Variants in ODAD2 observed in about 807,000 individuals in gnomAD.
The protein encoded by ODAD2 is outer dynein arm-docking complex subunit 2.
In ODAD2, 89 loss-of-function variants were observed where a neutral mutation model predicts 106.8. The observed-to-expected ratio is 0.83, with a 90% CI of 0.70 to 0.99. The LOEUF (loss-of-function observed/expected upper bound fraction) is 0.99. Ranked by LOEUF, ODAD2 falls within the 50% of genes least tolerant of loss-of-function variation. ODAD2 has a pLI of 0.00. For missense variants in ODAD2, 1,168 were observed against 1,238.5 expected, an observed-to-expected ratio of 0.94 and a Z score of 0.85; for synonymous variants, 404 against 436.2, an observed-to-expected ratio of 0.93 and a Z score of 0.92.
rs536017875 is a variant in ODAD2, at chr10:27,949,011, A to T, written c.1387-4049T>A. Among the ~76,000 whole-genome samples the T allele has an allele frequency of 3.3e-5, 5 of 152,168 alleles. No individual in the cohort carries two copies. In the East Asian group the frequency reaches 9.7e-4, roughly 29 times the overall value. ...CAACTACGTTTTTTTAATTACTTCA[A>T]ATAAAATATTTGAAATAAGCAAGTA... On this transcript the variant is annotated intron_variant, in intron 10 of 19. Coordinates refer to ENST00000305242, the MANE Select transcript of ODAD2 (RefSeq NM_018076.5).
At chr10:27,989,543 T>C (rs1421848114) in intron 2 of ODAD2, among the ~76,000 whole-genome samples, 1 of 152,186 alleles carries the variant, frequency 6.6e-6, no homozygotes, top group African/African-American at 2.4e-5. Context: ...GAGGACTAAG[T>C]AACAGGCTGA....
In ODAD2 at chr10:27,860,654, T is replaced by C; in HGVS notation, c.2992A>G (p.Ile998Val). 6.2e-7 allele frequency: 1 copy of C among 1,614,116 alleles called. No homozygotes were observed. Among genetic ancestry groups the C allele is most frequent in the Non-Finnish European group, 8.5e-7 (1 of 1,180,028 alleles). Residue 998 changes from isoleucine (I) to valine (V), a missense_variant, in exon 19 of 20, where the codon ATC (isoleucine) becomes GTC (valine). By Grantham distance (29) the Ile-to-Val change is conservative. This residue lies in a region of ODAD2 where 701 missense variants were observed against 712.3 expected (regional missense o/e 0.98). Transcript: ENST00000305242. ...ACTGCACCATTCTCATGCATGGTGA[T>C]GCAGTTATCGGCGTCTTCTGAGAGT... Reference protein sequence around the residue: ...YQLSEDADNCITMHENGAVKL... With the variant: ...YQLSEDADNCVTMHENGAVKL...
chr10:27,876,249 C>T (rs934616087), intron 17 of ODAD2, among the ~76,000 whole-genome samples: 2 of 152,190 alleles, frequency 1.3e-5, no homozygotes, highest in African/African-American at 4.8e-5. Flanking sequence ...ACTGCCTCCT[C>T]AAGTGGGTCC....
chr10:27,929,178 A>G (rs548291985), intron 16 of ODAD2, among the ~76,000 whole-genome samples: 1 of 152,296 alleles, frequency 6.6e-6, no homozygotes, highest in African/African-American at 2.4e-5. Flanking sequence ...CTGAAATAAC[A>G]ATCATTAGCT....
Position 27,994,650 on chromosome 10 carries a change from G to C in ODAD2, c.224+269C>G, listed in dbSNP as rs543265298. ...CAGCAATGGATGTTGGCAGTGTAGTGACCTGGATAACGGATGCCCTGTTAA... is the reference window on the plus strand; with the variant it reads ...CAGCAATGGATGTTGGCAGTGTAGTCACCTGGATAACGGATGCCCTGTTAA... On this transcript the variant is annotated intron_variant, in intron 2 of 19. Transcript: ENST00000305242. 1.1e-4 allele frequency among the ~76,000 whole-genome samples: 17 copies of C among 152,262 alleles called. No individual in the cohort carries two copies. In the East Asian group the frequency reaches 3.1e-3, roughly 28 times the overall value.
At chr10:27,953,667 A>G (rs1847522099) in intron 10 of ODAD2, among the ~76,000 whole-genome samples, 1 of 152,188 alleles carries the variant, frequency 6.6e-6, no homozygotes, top group African/African-American at 2.4e-5. Flanking sequence ...TTAAATATAA[A>G]AAGCAAAATG....
intron 17 of ODAD2, among the ~76,000 whole-genome samples, chr10:27,889,447 G>A (rs144131651): frequency 6.6e-6 from 1 of 152,320 alleles, no homozygotes; most frequent in East Asian, 1.9e-4. Context: ...ATCATCGTAA[G>A]TGATTCTCTC....
chr10:27,942,237 G>A (rs1846510082), intron 12 of ODAD2, among the ~76,000 whole-genome samples: 1 of 152,152 alleles, frequency 6.6e-6, no homozygotes, highest in African/African-American at 2.4e-5. Flanking sequence ...CTGCCACTAT[G>A]ACCAGCACTA....
At chr10:27,840,356 G>A (rs1589796299) in intron 19 of ODAD2, among the ~76,000 whole-genome samples, 1 of 152,256 alleles carries the variant, frequency 6.6e-6, no homozygotes, top group East Asian at 1.9e-4. Context: ...ATGTCAGTTG[G>A]TTCAGAAATT....
intron 13 of ODAD2, among the ~76,000 whole-genome samples, 153 bp downstream of exon 13, chr10:27,940,410 T>C (rs1846322629): frequency 2.0e-5 from 3 of 152,106 alleles, no homozygotes; most frequent in Non-Finnish European, 4.4e-5. Context: ...ACTGATTTAA[T>C]TAACGTCCTA....
chr10:27,948,142 A>T (rs1224090188), intron 10 of ODAD2, among the ~76,000 whole-genome samples: 1 of 152,236 alleles, frequency 6.6e-6, no homozygotes, highest in African/African-American at 2.4e-5. Context: ...CAAAAGACTG[A>T]CAATTTACAG....
intron 3 of ODAD2, among the ~76,000 whole-genome samples, chr10:27,986,302 T>G (rs1849870663): frequency 6.6e-6 from 1 of 152,182 alleles, no homozygotes; most frequent in Non-Finnish European, 1.5e-5. Context: ...CCATGTACCA[T>G]GCAACTTGGA....
chr10:27,869,814 C>T (rs1269382154), intron 17 of ODAD2, among the ~76,000 whole-genome samples: 2 of 152,048 alleles, frequency 1.3e-5, no homozygotes, highest in Non-Finnish European at 2.9e-5. Context: ...GGATTACAGG[C>T]ATGAGCCACC....
chr10:27,838,861 CA>C (rs569641160), intron 19 of ODAD2, among the ~76,000 whole-genome samples: 55 of 152,202 alleles, frequency 3.6e-4, no homozygotes, highest in African/African-American at 1.3e-3. Flanking sequence ...CTTTTATCAA[CA>C]AAAAAAGCTG....
intron 14 of ODAD2, 120 bp downstream of exon 14, chr10:27,939,773 CAAAT>C (rs1376161584): frequency 2.3e-5 from 11 of 488,060 alleles, no homozygotes; most frequent in East Asian, 1.0e-4. Context: ...TTAAAAAAAT[CAAAT>C]AAATAAATAA....
chr10:27,959,466 A>G (rs1374518557), intron 10 of ODAD2, among the ~76,000 whole-genome samples: 1 of 151,934 alleles, frequency 6.6e-6, no homozygotes, highest in Non-Finnish European at 1.5e-5. Flanking sequence ...ATGCAGAGGC[A>G]CTGTTGCAAG....
intron 19 of ODAD2, among the ~76,000 whole-genome samples, chr10:27,814,681 C>A (rs1022970224): frequency 2.6e-5 from 4 of 152,200 alleles, no homozygotes; most frequent in African/African-American, 9.6e-5. Flanking sequence ...TTTCCTTTAA[C>A]CATCTTCCGT....
At chr10:27,929,772 G>C (rs1259684271) in intron 16 of ODAD2, among the ~76,000 whole-genome samples, 5 of 152,138 alleles carry the variant, frequency 3.3e-5, no homozygotes, top group African/African-American at 1.2e-4. Context: ...AAAAGAAGAT[G>C]CAGAGAAGTT....
At chr10:27,835,636 T>C (rs1837816516) in intron 19 of ODAD2, among the ~76,000 whole-genome samples, 1 of 152,202 alleles carries the variant, frequency 6.6e-6, no homozygotes, top group Admixed American at 6.5e-5. Context: ...CAACACCTAG[T>C]TTGTATATCA....
Sources: allele counts gnomAD v4.1 joint callset (sites outside exome capture counted in the v4.1 genomes callset), GRCh38; gene constraint gnomAD v4.1.1; regional missense constraint gnomAD v4.1.1; transcripts MANE v1.5; gene names NCBI Gene and HGNC (gene_info 2026-07-23, HGNC 2026-07-21).